Variants in PKD1L1 observed in about 807,000 individuals in gnomAD.
PKD1L1 encodes polycystin-1-like protein 1.
In PKD1L1, 236 loss-of-function variants were observed where a neutral mutation model predicts 323.4. The ratio of observed to expected loss-of-function variants is 0.73; its 90% CI spans 0.66 to 0.81. PKD1L1 has a LOEUF of 0.81. Among genes scored for constraint, PKD1L1 ranks in the 40% least tolerant of loss-of-function variants. PKD1L1 has a pLI of 0.00. For missense variants in PKD1L1, 3,320 were observed against 3,508.0 expected (o/e 0.95, Z 1.35); for synonymous variants, 1,344 against 1,335.0 (o/e 1.01, Z -0.15).
chr7:47,863,045 T>C lies in PKD1L1; in HGVS notation c.4149+2171A>G, dbSNP rs190674914. ...ATGAGAAATGACATTTGCTTGGATT[T>C]GGGTGAAGCGCAGTAGAGGCAGGAG... On this transcript the variant is annotated intron_variant, in intron 26 of 56. Coordinates refer to ENST00000289672, the MANE Select transcript of PKD1L1 (RefSeq NM_138295.5). Among the ~76,000 whole-genome samples the C allele has an allele frequency of 4.7e-4, 72 of 152,198 alleles. 1 individual carries two copies. The highest frequency in any genetic ancestry group is 1.5e-3 in the African/African-American group (63 of 41,520).
intron 46 of PKD1L1, chr7:47,818,092 A>G (rs1369607039): frequency 1.5e-6 from 2 of 1,367,782 alleles, no homozygotes; most frequent in Non-Finnish European, 2.0e-6. Context: ...TATCAAATGC[A>G]GAGCAAATTG....
intron 16 of PKD1L1, among the ~76,000 whole-genome samples, chr7:47,889,529 G>A (rs917741002): frequency 2.6e-5 from 4 of 152,090 alleles, no homozygotes; most frequent in African/African-American, 7.2e-5. Flanking sequence ...CCATGGCATG[G>A]CCCACTCTTA....
At chr7:47,788,032 A>G (rs1786851138) in intron 56 of PKD1L1, among the ~76,000 whole-genome samples, 1 of 152,082 alleles carries the variant, frequency 6.6e-6, no homozygotes, top group Admixed American at 6.5e-5. Context: ...TTTTGAACTG[A>G]CAATCTTTTT....
chr7:47,853,420 A>G (rs528009697), intron 30 of PKD1L1, among the ~76,000 whole-genome samples, 193 bp from the exon 31 acceptor site: 4 of 152,224 alleles, frequency 2.6e-5, no homozygotes, highest in Admixed American at 2.0e-4. Flanking sequence ...AAACTCCTAC[A>G]TAACACTTTC....
chr7:47,937,001 G>A, intron 3 of PKD1L1, 43 bp from the exon 4 acceptor site: 1 of 1,442,162 alleles, frequency 6.9e-7, no homozygotes, highest in Admixed American at 1.8e-5. Flanking sequence ...AGCTGCTTAT[G>A]AAAACCCAGT....
chr7:47,888,114 G>A lies in PKD1L1; in HGVS notation c.2712C>T (p.Thr904=), dbSNP rs1490031177. ...VHISWVSFKD[T]FVNWNDELSL... ...AGAGTTCGTCATTCCAGTTGACGAA[G>A]GTGTCTTTAAAGCTGACCCAGGAGA... Residue 904 remains threonine, a synonymous_variant, in exon 17 of 57, where the codon ACC becomes ACT. Coordinates refer to ENST00000289672, the MANE Select transcript of PKD1L1 (RefSeq NM_138295.5). The A allele has an allele frequency of 1.2e-6, 2 of 1,613,962 alleles. No individual in the cohort carries two copies. The highest frequency in any genetic ancestry group is 1.7e-5 in the Admixed American group (1 of 60,014).
intron 7 of PKD1L1, among the ~76,000 whole-genome samples, chr7:47,916,698 C>G (rs535302600): frequency 1.3e-5 from 2 of 152,134 alleles, no homozygotes; most frequent in Non-Finnish European, 2.9e-5. Context: ...CTGGTAGACT[C>G]GCTGGGTGGC....
At position 47,931,150 on chromosome 7, in the gene PKD1L1, G is replaced by T. The variant is rs773857005; in HGVS notation, c.691C>A (p.Arg231=). The T allele has an allele frequency of 6.2e-7, 1 of 1,614,078 alleles. No individual in the cohort carries two copies. The highest frequency in any genetic ancestry group is 8.5e-7 in the Non-Finnish European group (1 of 1,180,054). Residue 231 remains arginine (R), a synonymous_variant, in exon 6 of 57, where the codon CGA becomes AGA. Coordinates refer to ENST00000289672, the MANE Select transcript of PKD1L1 (RefSeq NM_138295.5). ...TGTGAAATCGGCCACAGGGGCACTC[G>T]CTGGGAGCTGGTCTGAGTGGGTCTG... ...VARPTQTSSQ[R]VPLWPISHFP...
chr7:47,800,949 A>C, intron 53 of PKD1L1, 70 bp from the exon 54 acceptor site: 6 of 1,375,486 alleles, frequency 4.4e-6, no homozygotes, highest in Non-Finnish European at 6.2e-6. Context: ...TCAACTTCCA[A>C]ATGTTGAAAA....
chr7:47,778,400 G>T (rs1356681450), intron 56 of PKD1L1, among the ~76,000 whole-genome samples: 1 of 151,852 alleles, frequency 6.6e-6, no homozygotes, highest in Non-Finnish European at 1.5e-5. Context: ...GGGAACAAAA[G>T]AACAAAAGAA....
At chr7:47,801,202 C>T (rs1784654497) in intron 53 of PKD1L1, among the ~76,000 whole-genome samples, 1 of 152,136 alleles carries the variant, frequency 6.6e-6, no homozygotes, top group South Asian at 2.1e-4. Context: ...CTCCCCTGGC[C>T]TTTGGCCCCC....
At chr7:47,808,187 C>T in intron 52 of PKD1L1, 60 bp downstream of exon 52, 1 of 1,583,906 alleles carries the variant, frequency 6.3e-7, no homozygotes, top group Non-Finnish European at 8.6e-7. Flanking sequence ...TGACCTCTGC[C>T]TTTTGGATGG....
intron 41 of PKD1L1, 40 bp from the exon 42 acceptor site, chr7:47,831,392 C>G: frequency 6.3e-7 from 1 of 1,578,274 alleles, no homozygotes; most frequent in Non-Finnish European, 8.6e-7. Flanking sequence ...GCTTAAGAGA[C>G]CTCGGCATCT....
At chr7:47,952,914 A>G (rs1788224810), upstream of PKD1L1, among the ~76,000 whole-genome samples, 1 of 152,154 alleles carries the variant, frequency 6.6e-6, no homozygotes, top group Non-Finnish European at 1.5e-5. Context: ...CGTGCTTTCC[A>G]TTGGCTTCAA....
In PKD1L1 at chr7:47,890,651, G is replaced by T. The variant is rs1212018196; in HGVS notation, c.2566C>A (p.Leu856Ile). 1 of 1,614,012 alleles carries T rather than the reference G, an allele frequency of 6.2e-7. No homozygotes were observed. The highest frequency in any genetic ancestry group is 2.2e-5 in the East Asian group (1 of 44,890). ...AGGAACTGATCATAGCTGTCACTGA[G>T]CCATTGTGCCTCAAAGGAAACAGTG... ...APTVSFEAQWLSDSYDQFLVM... is the reference protein window; with the variant it reads ...APTVSFEAQWISDSYDQFLVM... Residue 856 changes from leucine to isoleucine, a missense_variant, in exon 16 of 57, where the codon CTC (leucine) becomes ATC (isoleucine). Coordinates refer to ENST00000289672, the MANE Select transcript of PKD1L1 (RefSeq NM_138295.5).
Position 47,796,725 on chromosome 7 carries a change from T to C in PKD1L1, c.8194-575A>G, listed in dbSNP as rs561188136. ...AAACAGGGCTGGGCGCAGTGGCTCATGCCTGTAATCCCAGCACTTTGGGAG... is the reference window on the plus strand; with the variant it reads ...AAACAGGGCTGGGCGCAGTGGCTCACGCCTGTAATCCCAGCACTTTGGGAG... On this transcript the variant is annotated intron_variant, in intron 54 of 56. Transcript: ENST00000289672. 5.9e-5 allele frequency among the ~76,000 whole-genome samples: 9 copies of C among 152,012 alleles called. No homozygotes were observed. In the South Asian group the frequency reaches 6.2e-4, roughly 11 times the overall value.
chr7:47,791,353 CT>C (rs1393173830), intron 56 of PKD1L1, among the ~76,000 whole-genome samples: 1 of 151,920 alleles, frequency 6.6e-6, no homozygotes, highest in Non-Finnish European at 1.5e-5. Flanking sequence ...AATCTATTTG[CT>C]TTATTTTTTT....
At position 47,831,480 on chromosome 7, in the gene PKD1L1, T is replaced by C. The variant is rs1785348318; in HGVS notation, c.6338-128A>G. 4 of 1,274,194 alleles carry C rather than the reference T, an allele frequency of 3.1e-6. No homozygotes were observed. The South Asian group carries it at 6.6e-5, about 21-fold the overall frequency. The allele number at this position is 1,274,194 out of a possible 1,614,324, so 78.9% of individuals were successfully genotyped here. ...TAGGGTGCCCAGGCATTTGGTTAAATGTGATTTTTGAGTGTGTTCGGGGTT... is the reference window on the plus strand; with the variant it reads ...TAGGGTGCCCAGGCATTTGGTTAAACGTGATTTTTGAGTGTGTTCGGGGTT... On this transcript the variant is annotated intron_variant, in intron 41 of 56. Coordinates refer to ENST00000289672, the MANE Select transcript of PKD1L1 (RefSeq NM_138295.5).
At chr7:47,939,546 C>T (rs573719461) in intron 3 of PKD1L1, among the ~76,000 whole-genome samples, 1 of 152,306 alleles carries the variant, frequency 6.6e-6, no homozygotes, top group African/African-American at 2.4e-5. Context: ...TCCTCTCACG[C>T]TTCTCCTCCA....
Sources: allele counts gnomAD v4.1 joint callset (sites outside exome capture counted in the v4.1 genomes callset), GRCh38; gene constraint gnomAD v4.1.1; transcripts MANE v1.5; gene names NCBI Gene and HGNC (gene_info 2026-07-23, HGNC 2026-07-21).